The following VWA8 variants were observed in gnomAD, a reference collection of about 807,000 sequenced individuals.
VWA8 encodes the protein von Willebrand factor A domain containing 8.
Under a neutral mutation model 241.5 loss-of-function variants are expected in VWA8, and 221 were observed. That is an observed-to-expected ratio of 0.91 (90% CI 0.82 to 1.02). The LOEUF (loss-of-function observed/expected upper bound fraction) is 1.02, where lower values mean the gene tolerates loss of function less well. Among genes scored for constraint, VWA8 ranks in the 50% least tolerant of loss-of-function variants. VWA8 has a pLI of 0.00. For missense variants in VWA8, 2,322 were observed against 2,328.7 expected (o/e 1.00, Z 0.06); for synonymous variants, 852 against 827.1 (o/e 1.03, Z -0.52).
chr13:41,621,000 T>C (rs2044653603), intron 37 of VWA8, among the ~76,000 whole-genome samples: 2 of 152,172 alleles, frequency 1.3e-5, no homozygotes. Flanking sequence ...GTGATCAAAG[T>C]AGGGTTTTCA....
At chr13:41,897,600 C>A (rs927600310) in intron 4 of VWA8, among the ~76,000 whole-genome samples, 2 of 152,154 alleles carry the variant, frequency 1.3e-5, no homozygotes, top group Non-Finnish European at 2.9e-5. Flanking sequence ...CTTGGTCTCA[C>A]TGACTTCAAG....
Position 41,754,703 on chromosome 13 carries a change from ATATAAC to A in VWA8, c.2426+6419_2426+6424del, listed in dbSNP as rs148131671. On this transcript the variant is annotated intron_variant, in intron 21 of 44. Transcript: ENST00000379310. ...GCAAATACTACATCATATGTATTCT[ATATAAC>A]TATATTTTTGTACTCATTAACCATA... Among the ~76,000 whole-genome samples the A allele has an allele frequency of 9.2e-5, 14 of 152,222 alleles. No individual in the cohort carries two copies. In the East Asian group the frequency reaches 2.7e-3, roughly 29 times the overall value.
chr13:41,797,758 C>G (rs1869769976), intron 17 of VWA8, among the ~76,000 whole-genome samples: 1 of 152,034 alleles, frequency 6.6e-6, no homozygotes, highest in East Asian at 1.9e-4. Flanking sequence ...TTTGCCTGTT[C>G]TTCTTTTTAC....
chr13:41,885,109 T>G (rs1479544678), intron 8 of VWA8, among the ~76,000 whole-genome samples: 1 of 152,180 alleles, frequency 6.6e-6, no homozygotes, highest in Admixed American at 6.6e-5. Flanking sequence ...CAACTTAATA[T>G]TGTCTGATAA....
rs1053095724 is a variant in VWA8, at chr13:41,698,966, C to G, written c.3564+105G>C. On this transcript the variant is annotated intron_variant, in intron 29 of 44. Coordinates refer to ENST00000379310, the MANE Select transcript of VWA8 (RefSeq NM_015058.2). ...CTCCTGACCCATCCCTCCAGCTCCT[C>G]TCCTTGATCATCATGAAAGCACATC... The G allele has an allele frequency of 3.3e-6, 5 of 1,504,048 alleles. No individual in the cohort carries two copies. In the African/African-American group the frequency reaches 6.9e-5, roughly 21 times the overall value. The allele number at this position is 1,504,048 out of a possible 1,614,324, so 93.2% of individuals were successfully genotyped here. A position where few individuals can be genotyped will look rare whatever the true frequency, so the allele number is the denominator to read the frequency against.
At chr13:41,860,507 T>C in intron 12 of VWA8, among the ~76,000 whole-genome samples, 1 of 152,164 alleles carries the variant, frequency 6.6e-6, no homozygotes, top group East Asian at 1.9e-4. Context: ...CTCAAAAGTG[T>C]ATCAGGAAAT....
chr13:41,845,948 C>G (rs954376200), intron 12 of VWA8, among the ~76,000 whole-genome samples: 1 of 152,104 alleles, frequency 6.6e-6, no homozygotes, highest in Non-Finnish European at 1.5e-5. Flanking sequence ...ACTCATGTAA[C>G]AAACCTGCAC....
chr13:41,572,690 A>G (rs1354775611), intron 43 of VWA8, among the ~76,000 whole-genome samples: 2 of 151,496 alleles, frequency 1.3e-5, no homozygotes, highest in African/African-American at 4.9e-5. Context: ...TAGGAAAACC[A>G]GAGACCCTTG....
chr13:41,931,646 C>G (rs1877126914), intron 2 of VWA8, among the ~76,000 whole-genome samples: 1 of 151,452 alleles, frequency 6.6e-6, no homozygotes, highest in Admixed American at 6.6e-5. Flanking sequence ...CTATAGTAAC[C>G]ATTTTACTAT....
chr13:41,952,968 T>C (rs1878202797), intron 1 of VWA8, among the ~76,000 whole-genome samples: 1 of 151,614 alleles, frequency 6.6e-6, no homozygotes, highest in Non-Finnish European at 1.5e-5. Flanking sequence ...GCAGAGAGGG[T>C]CACTGTGTTA....
chr13:41,849,790 G>A (rs529221664), intron 12 of VWA8, among the ~76,000 whole-genome samples: 1 of 152,216 alleles, frequency 6.6e-6, no homozygotes, highest in South Asian at 2.1e-4. Context: ...GGGAGGCTGA[G>A]GCAGGAGAAT....
chr13:41,871,767 C>T (rs1182591686), intron 9 of VWA8, among the ~76,000 whole-genome samples: 1 of 152,146 alleles, frequency 6.6e-6, no homozygotes, highest in Non-Finnish European at 1.5e-5. Flanking sequence ...AATAAACATA[C>T]ATGTGCATGT....
chr13:41,751,548 ACT>A (rs1404478344), intron 21 of VWA8, among the ~76,000 whole-genome samples: 3 of 152,006 alleles, frequency 2.0e-5, no homozygotes, highest in African/African-American at 7.2e-5. Flanking sequence ...GCTCTCTGGG[ACT>A]CTGTGAATTT....
rs2044269052 is a variant in VWA8, at chr13:41,567,534, T to C, written c.*663A>G. On this transcript the variant is annotated 3_prime_UTR_variant, in exon 45 of 45. Transcript: ENST00000379310. ...CAAGGAGAAGAGGACATTTGCTCTT[T>C]AAGAGCCTTTTAAAAGTCACGTGGA... The C allele has an allele frequency of 6.6e-6, 1 of 152,238 alleles. No homozygotes were observed. The highest frequency in any genetic ancestry group is 2.1e-4 in the South Asian group (1 of 4,836). The allele number at this position is 152,238 out of a possible 1,614,324, so 9.4% of individuals were successfully genotyped here.
At chr13:41,570,844 T>C (rs2044296807) in intron 43 of VWA8, 138 bp from the exon 44 acceptor site, 2 of 702,972 alleles carry the variant, frequency 2.8e-6, no homozygotes, top group Admixed American at 2.9e-5. Flanking sequence ...GTTAGTTCTA[T>C]TTAATTTGCA....
chr13:41,784,536 C>G (rs9594629), intron 18 of VWA8, among the ~76,000 whole-genome samples: 1 of 147,926 alleles, frequency 6.8e-6, no homozygotes, highest in African/African-American at 2.5e-5. Context: ...TGATGGCATA[C>G]GCCTGTAGTC....
intron 26 of VWA8, among the ~76,000 whole-genome samples, chr13:41,705,573 C>A (rs2045277992): frequency 6.6e-6 from 1 of 152,184 alleles, no homozygotes; most frequent in Non-Finnish European, 1.5e-5. Context: ...TAACAGACTG[C>A]AAGAGATTTG....
intron 14 of VWA8, among the ~76,000 whole-genome samples, chr13:41,823,186 G>A (rs1871034680): frequency 6.6e-6 from 1 of 152,126 alleles, no homozygotes. Flanking sequence ...GAAGCTAGGA[G>A]ATAGTGCTTG....
chr13:41,865,925 C>A lies in VWA8; in HGVS notation c.1324G>T (p.Asp442Tyr). 6.2e-7 allele frequency: 1 copy of A among 1,614,210 alleles called. No homozygotes were observed. The change falls in exon 11 of 45, where the codon GAT (aspartate) becomes TAT (tyrosine). Residue 442 changes from aspartate (D) to tyrosine (Y), a missense_variant. By Grantham distance (160) the Asp-to-Tyr change is radical. Transcript: ENST00000379310. ...ACCTTTCCTCCAATTAAACATATAT[C>A]TTTAACCATGTGAGACTGCATCATT... ...AEMMQSHMVK[D>Y]ICLIGGKGCG...
Sources: gnomAD v4.1 joint callset for allele counts (sites outside exome capture counted in the v4.1 genomes callset) on GRCh38, gnomAD v4.1.1 for gene constraint, MANE v1.5 for transcripts, NCBI Gene and HGNC (gene_info 2026-07-23, HGNC 2026-07-21) for gene names.